The following PRKCB variants were observed in gnomAD, a reference collection of about 807,000 sequenced individuals.
The protein encoded by PRKCB is protein kinase C beta.
A neutral mutation model predicts 81.5 loss-of-function variants in PRKCB; 13 were observed. The observed-to-expected ratio is 0.16, with a 90% CI of 0.10 to 0.25. The LOEUF (loss-of-function observed/expected upper bound fraction) is 0.25. Among genes scored for constraint, PRKCB ranks in the 10% least tolerant of loss-of-function variants. The probability of loss-of-function intolerance (pLI) is 1.00; values close to 1 mark genes in which losing one functional copy is unlikely to be tolerated. For synonymous variants in PRKCB, 335 were observed against 321.4 expected, an observed-to-expected ratio of 1.04 and a Z score of -0.45; for missense variants, 509 against 875.7, an observed-to-expected ratio of 0.58 and a Z score of 5.29.
chr16:24,181,135 A>G (rs1047839271), intron 13 of PRKCB, among the ~76,000 whole-genome samples: 1 of 152,238 alleles, frequency 6.6e-6, no homozygotes, highest in Non-Finnish European at 1.5e-5. Context: ...AAATACATCA[A>G]GGTTTGGGAG....
chr16:24,209,269 GTCCCTGCCACCA>G (rs1322100948), intron 16 of PRKCB, among the ~76,000 whole-genome samples: 20 of 152,186 alleles, frequency 1.3e-4, no homozygotes, highest in Non-Finnish European at 2.8e-4. Flanking sequence ...CATACCAGCA[GTCCCTGCCACCA>G]TCACCTCTTT....
intron 3 of PRKCB, among the ~76,000 whole-genome samples, chr16:23,990,679 C>A (rs938396221): frequency 6.6e-6 from 1 of 151,996 alleles, no homozygotes; most frequent in African/African-American, 2.4e-5. Context: ...GCCCACGTAG[C>A]TGGGCCTACA....
intron 2 of PRKCB, among the ~76,000 whole-genome samples, chr16:23,925,710 CT>C (rs1374226675): frequency 6.6e-6 from 1 of 151,990 alleles, no homozygotes; most frequent in Non-Finnish European, 1.5e-5. Context: ...AGAATCTGTG[CT>C]TTTGGTATGT....
chr16:24,068,493 C>A (rs200026927), intron 5 of PRKCB, among the ~76,000 whole-genome samples: 113 of 143,748 alleles, frequency 7.9e-4, no homozygotes, highest in African/African-American at 2.4e-3. Flanking sequence ...AAAAAAAAAA[C>A]CACACACAGA....
At chr16:23,927,639 G>T (rs547860699) in intron 2 of PRKCB, among the ~76,000 whole-genome samples, 1 of 152,174 alleles carries the variant, frequency 6.6e-6, no homozygotes, top group Non-Finnish European at 1.5e-5. Context: ...CTGAGTGGTG[G>T]TGAGGAAGGA....
chr16:24,003,060 GATC>G (rs1299526558), intron 3 of PRKCB, among the ~76,000 whole-genome samples: 1 of 152,088 alleles, frequency 6.6e-6, no homozygotes, highest in African/African-American at 2.4e-5. Flanking sequence ...CTCCTCTACA[GATC>G]ATCTTCTCTA....
At chr16:24,209,566 C>A (rs948807858) in intron 16 of PRKCB, among the ~76,000 whole-genome samples, 2 of 152,110 alleles carry the variant, frequency 1.3e-5, no homozygotes, top group African/African-American at 2.4e-5. Flanking sequence ...CCAGGGTCAC[C>A]AACAATGCCT....
At chr16:24,114,757 C>A (rs1426865881) in intron 8 of PRKCB, among the ~76,000 whole-genome samples, 1 of 151,940 alleles carries the variant, frequency 6.6e-6, no homozygotes, top group Non-Finnish European at 1.5e-5. Flanking sequence ...CTAGATAAAC[C>A]ATGATGGCCT....
chr16:23,875,503 A>ATATATATATATATATATATAT (rs1567298294), intron 2 of PRKCB, among the ~76,000 whole-genome samples: 6 of 28,952 alleles, frequency 2.1e-4, no homozygotes, highest in South Asian at 8.2e-4. Context: ...ATATATATAT[A>ATATATATATATATATATATAT]TATGATGTAT....
intron 5 of PRKCB, among the ~76,000 whole-genome samples, chr16:24,057,732 T>A (rs1245007672): frequency 6.6e-6 from 1 of 152,056 alleles, no homozygotes; most frequent in Admixed American, 6.6e-5. Flanking sequence ...GGCAGTGGAC[T>A]TAGTTCTGGA....
chr16:23,933,629 TATCCATCCATCCATCCATCC>T (rs57745059), intron 2 of PRKCB, among the ~76,000 whole-genome samples: 12 of 135,706 alleles, frequency 8.8e-5, no homozygotes, highest in East Asian at 4.7e-4. Context: ...TGTGAACTGA[TATCCATCCATCCATCCATCC>T]ATCCATCCAT....
chr16:23,961,470 A>G (rs1020892230), intron 2 of PRKCB, among the ~76,000 whole-genome samples: 1 of 152,224 alleles, frequency 6.6e-6, no homozygotes, highest in Admixed American at 6.5e-5. Context: ...ATGAGGCAAC[A>G]ACAACTTGCA....
rs529659266 is a variant in PRKCB, at chr16:23,939,044, T to C, written c.206-49464T>C. Among the ~76,000 whole-genome samples the C allele has an allele frequency of 9.9e-5, 15 of 152,218 alleles. No individual in the cohort carries two copies. The South Asian group carries it at 3.1e-3, about 32-fold the overall frequency. On this transcript the variant is annotated intron_variant, in intron 2 of 16. Transcript: ENST00000643927. ...AAGTGAATTCAGCAAGGTTGCCAGA[T>C]ACAGGGGAAACATACAAAAAACAAT...
intron 5 of PRKCB, among the ~76,000 whole-genome samples, chr16:24,089,789 T>TCTCACA (rs71381638): frequency 6.7e-6 from 1 of 149,884 alleles, no homozygotes; most frequent in African/African-American, 2.5e-5. Flanking sequence ...TCTCTCTCTC[T>TCTCACA]CACACACACA....
In PRKCB at chr16:24,219,816, T is replaced by G; in HGVS notation, c.*5000T>G. ...ACAATGTGAAATGAAAGCCAGTGCG[T>G]GGAGTGCAGCTGCTAAAAATTTTCA... On this transcript the variant is annotated 3_prime_UTR_variant, in exon 17 of 17. Coordinates refer to ENST00000643927, the MANE Select transcript of PRKCB (RefSeq NM_002738.7). 1 of 1,428,570 alleles carries G rather than the reference T, an allele frequency of 7.0e-7. No individual in the cohort carries two copies. The highest frequency in any genetic ancestry group is 9.2e-7 in the Non-Finnish European group (1 of 1,091,788). The allele number at this position is 1,428,570 out of a possible 1,614,324, so 88.5% of individuals were successfully genotyped here.
chr16:23,994,279 C>T (rs1596502670), intron 3 of PRKCB, among the ~76,000 whole-genome samples: 1 of 152,312 alleles, frequency 6.6e-6, no homozygotes, highest in South Asian at 2.1e-4. Context: ...TAGCTCAGGT[C>T]TGTCTTACAG....
chr16:24,061,906 TAAATA>T (rs1965977281), intron 5 of PRKCB, among the ~76,000 whole-genome samples: 2 of 46,080 alleles, frequency 4.3e-5, no homozygotes, highest in East Asian at 6.5e-4. Context: ...GCACCTTAAA[TAAATA>T]AAAAAAAAAA....
At chr16:23,937,407 C>T (rs1444009685) in intron 2 of PRKCB, among the ~76,000 whole-genome samples, 2 of 152,128 alleles carry the variant, frequency 1.3e-5, no homozygotes, top group African/African-American at 4.8e-5. Context: ...ATTGCAAGCT[C>T]AATAATGCCA....
Position 24,123,376 on chromosome 16 carries a change from G to A in PRKCB, c.919-459G>A, listed in dbSNP as rs998007047. On this transcript the variant is annotated intron_variant, in intron 8 of 16. Transcript: ENST00000643927. ...TGATGGAGCTGGAAAGCCAGGTAGG[G>A]CCTAAACACACAAGTCCATGAAAGC... Among the ~76,000 whole-genome samples the A allele has an allele frequency of 2.0e-5, 3 of 152,126 alleles. No individual in the cohort carries two copies. In the East Asian group the frequency reaches 5.8e-4, roughly 29 times the overall value.
Sources: allele counts gnomAD v4.1 joint callset (sites outside exome capture counted in the v4.1 genomes callset), GRCh38; gene constraint gnomAD v4.1.1; transcripts MANE v1.5; gene names NCBI Gene and HGNC (gene_info 2026-07-23, HGNC 2026-07-21).